Variants in DOCK9 observed in about 807,000 individuals in gnomAD.
DOCK9 encodes dedicator of cytokinesis protein 9.
Under a neutral mutation model 263.3 loss-of-function variants are expected in DOCK9, and 89 were observed. The observed-to-expected ratio is 0.34, with a 90% CI of 0.28 to 0.40. The LOEUF (loss-of-function observed/expected upper bound fraction) is 0.40. Ranked by LOEUF, DOCK9 falls within the 10% of genes least tolerant of loss-of-function variation. The pLI is 1.00. For synonymous variants in DOCK9, 976 were observed against 973.1 expected, an observed-to-expected ratio of 1.00 and a Z score of -0.06; for missense variants, 2,140 against 2,603.4, an observed-to-expected ratio of 0.82 and a Z score of 3.87.
At chr13:98,948,881 T>C (rs1204794975) in intron 2 of DOCK9, among the ~76,000 whole-genome samples, 1 of 152,074 alleles carries the variant, frequency 6.6e-6, no homozygotes, top group Non-Finnish European at 1.5e-5. Flanking sequence ...GGGACAGGAG[T>C]TTCTTCCCTT....
At chr13:98,803,448 G>A (rs1317343310) in intron 49 of DOCK9, among the ~76,000 whole-genome samples, 1 of 152,224 alleles carries the variant, frequency 6.6e-6, no homozygotes, top group African/African-American at 2.4e-5. Flanking sequence ...CAGGATAACC[G>A]GGAGGGCCTG....
At chr13:98,856,681 C>T (rs568523843) in intron 33 of DOCK9, 1 of 152,280 alleles carries the variant, frequency 6.6e-6, no homozygotes, top group South Asian at 2.1e-4. Flanking sequence ...GTACACACCA[C>T]CCATTTGTAG....
At chr13:98,813,697 C>T (rs1299737045) in intron 45 of DOCK9, among the ~76,000 whole-genome samples, 2 of 151,922 alleles carry the variant, frequency 1.3e-5, no homozygotes, top group Non-Finnish European at 2.9e-5. Flanking sequence ...TGGAGTGCGA[C>T]GGCGTGATCT....
chr13:98,975,488 C>T (rs1002067431), intron 1 of DOCK9, among the ~76,000 whole-genome samples: 4 of 151,632 alleles, frequency 2.6e-5, no homozygotes, highest in African/African-American at 9.7e-5. Context: ...CACACACACA[C>T]ACACACACAC....
chr13:98,947,603 G>A (rs576815504), intron 2 of DOCK9, among the ~76,000 whole-genome samples: 12 of 147,496 alleles, frequency 8.1e-5, no homozygotes, highest in Non-Finnish European at 1.0e-4. Flanking sequence ...TCCGCCTCCC[G>A]GGTTCAAGTG....
chr13:99,004,344 C>T (rs1215515170), intron 1 of DOCK9, among the ~76,000 whole-genome samples: 1 of 152,178 alleles, frequency 6.6e-6, no homozygotes, highest in Non-Finnish European at 1.5e-5. Context: ...GGATTCTCTT[C>T]CAGTTGTTCT....
At chr13:99,082,082 G>A (rs2042141800) in intron 1 of DOCK9, among the ~76,000 whole-genome samples, 1 of 152,088 alleles carries the variant, frequency 6.6e-6, no homozygotes, top group African/African-American at 2.4e-5. Flanking sequence ...AGCTAGGCGT[G>A]GTGGTGCATG....
At position 99,063,338 on chromosome 13, in the gene DOCK9, C is replaced by G. The variant is rs569124941; in HGVS notation, c.129+22885G>C. On this transcript the variant is annotated intron_variant, in intron 1 of 32. Transcript: ENST00000427887. ...TACCCAGACTGTGGGGAACCCTTCC[C>G]AGCCTAGAAGGCCTCACCGAGCAGA... Among the ~76,000 whole-genome samples, 5 of 152,354 alleles carry G rather than the reference C, an allele frequency of 3.3e-5. No homozygotes were observed. In the South Asian group the frequency reaches 1.0e-3, roughly 32 times the overall value.
chr13:98,805,144 A>G lies in DOCK9; in HGVS notation c.5580T>C (p.Phe1860=). ...YIQVTHVIPF[F]DEKELQERKT... ...TCCTTTCTTGCAACTCTTTTTCGTC[A>G]AAGAAGGGGATGACGTGAGTCACCT... The change falls in exon 49 of 53, where the codon TTT becomes TTC. Residue 1860 remains phenylalanine (F), a synonymous_variant. Coordinates refer to ENST00000682017, the MANE Select transcript of DOCK9 (RefSeq NM_001366683.2). 6.2e-7 allele frequency: 1 copy of G among 1,609,210 alleles called. No individual in the cohort carries two copies. The highest frequency in any genetic ancestry group is 1.1e-5 in the South Asian group (1 of 89,948).
At position 98,888,384 on chromosome 13, in the gene DOCK9, G is replaced by T; in HGVS notation, c.1953C>A (p.Tyr651Ter). The change falls in exon 17 of 53, where the codon TAC becomes TAA. Residue 651 changes from tyrosine to a stop codon, truncating the protein, a stop_gained. Transcript: ENST00000682017. LOFTEE classifies it high-confidence loss of function. ...HLYVYPKYLK[Y>*]DSQKSFAKAR... Reference sequence around the variant, plus strand: ...CCTTGGCAAAAGACTTCTGACTGTCGTATTTCAAGTACTTAGGATAAACGT... The same window carrying T: ...CCTTGGCAAAAGACTTCTGACTGTCTTATTTCAAGTACTTAGGATAAACGT... 6.2e-7 allele frequency: 1 copy of T among 1,613,560 alleles called. No homozygotes were observed. The highest frequency in any genetic ancestry group is 8.5e-7 in the Non-Finnish European group (1 of 1,179,630).
At position 98,885,596 on chromosome 13, in the gene DOCK9, A is replaced by G. The variant is rs892939373; in HGVS notation, c.2260+112T>C. 6.4e-6 allele frequency: 8 copies of G among 1,251,600 alleles called. No individual in the cohort carries two copies. The African/African-American group carries it at 1.2e-4, about 19-fold the overall frequency. The allele number at this position is 1,251,600 out of a possible 1,614,324, so 77.5% of individuals were successfully genotyped here. On this transcript the variant is annotated intron_variant, in intron 20 of 52. Transcript: ENST00000682017. ...ACATGCTACATATCCGTTACCTATA[A>G]AATTCATTTAAAGATCCCTTTGCAA...
At chr13:99,013,078 T>C (rs9557117) in intron 1 of DOCK9, among the ~76,000 whole-genome samples, 79,442 of 151,806 alleles carry the variant, frequency 0.52, 21,068 homozygotes, top group South Asian at 0.68. Context: ...GAATAAAGCG[T>C]ACAAAAATCC....
chr13:98,903,140 T>C, intron 10 of DOCK9, 28 bp from the exon 11 acceptor site: 1 of 1,468,082 alleles, frequency 6.8e-7, no homozygotes. Flanking sequence ...AACATATAAA[T>C]AAGTTATGCT....
chr13:98,862,361 G>A (rs1201134373), intron 32 of DOCK9, among the ~76,000 whole-genome samples: 1 of 152,136 alleles, frequency 6.6e-6, no homozygotes, highest in Non-Finnish European at 1.5e-5. Flanking sequence ...TATACTGGGT[G>A]AACCCTAAAC....
chr13:99,057,850 A>G (rs999182554), intron 1 of DOCK9, among the ~76,000 whole-genome samples: 1 of 152,210 alleles, frequency 6.6e-6, no homozygotes, highest in African/African-American at 2.4e-5. Context: ...GTTTGAACAT[A>G]CTGTCATTCC....
chr13:98,881,558 C>A lies in DOCK9; in HGVS notation c.2745G>T (p.Lys915Asn). 2 of 1,601,140 alleles carry A rather than the reference C, an allele frequency of 1.2e-6. No individual in the cohort carries two copies. Among genetic ancestry groups the A allele is most frequent in the East Asian group, 4.5e-5 (2 of 44,536 alleles). ...GATCAGAACAGTGTGTTTTACATAC[C>A]TTAACATATGACCTCAAGTGGCTCT... ...GLESHLRSYV[K>N]YAYKAEPYVA... The change falls in exon 25 of 53, where the codon AAG (lysine) becomes AAT (asparagine). Residue 915 changes from lysine (K) to asparagine (N), a missense_variant and splice_region_variant. This residue lies in a region of DOCK9 where 1,521 missense variants were observed against 1,741.7 expected (regional missense o/e 0.87). Coordinates refer to ENST00000682017, the MANE Select transcript of DOCK9 (RefSeq NM_001366683.2).
chr13:98,928,959 T>C (rs573380604), intron 3 of DOCK9, among the ~76,000 whole-genome samples: 1 of 152,324 alleles, frequency 6.6e-6, no homozygotes, highest in South Asian at 2.1e-4. Flanking sequence ...TTTAATTTTA[T>C]ATTTAATTTT....
intron 1 of DOCK9, among the ~76,000 whole-genome samples, chr13:99,065,576 C>G (rs943084910): frequency 6.6e-6 from 1 of 152,180 alleles, no homozygotes; most frequent in Non-Finnish European, 1.5e-5. Context: ...TTCCCAAGTA[C>G]ACGCCATGAT....
In DOCK9 at chr13:98,804,022, C is replaced by T. The variant is rs144032441; in HGVS notation, c.5725+977G>A. 5.7e-4 allele frequency among the ~76,000 whole-genome samples: 87 copies of T among 152,048 alleles called. 2 individuals carry two copies. The highest frequency in any genetic ancestry group is 4.3e-3 in the Admixed American group (66 of 15,276). ...TCTCTTTTTAAAGCATACGCTTCGC[C>T]GGTGAGAGCTGATAAGCACCTGGGT... On this transcript the variant is annotated intron_variant, in intron 49 of 52. Coordinates refer to ENST00000682017, the MANE Select transcript of DOCK9 (RefSeq NM_001366683.2).
Sources: gnomAD v4.1 joint callset for allele counts (sites outside exome capture counted in the v4.1 genomes callset) on GRCh38, gnomAD v4.1.1 for gene constraint, gnomAD v4.1.1 regional missense constraint, MANE v1.5 for transcripts, NCBI Gene and HGNC (gene_info 2026-07-23, HGNC 2026-07-21) for gene names.